The following CALN1 variants were observed in gnomAD, a reference collection of about 807,000 sequenced individuals.
CALN1 encodes the protein calcium-binding protein 8.
CALN1 carries 17 observed loss-of-function variants against 30.6 expected under a neutral mutation model. That is an observed-to-expected ratio of 0.56 (90% CI 0.38 to 0.83). The LOEUF is 0.83. CALN1 is among the 40% of genes least tolerant of loss of function. The pLI is 0.00. For missense variants in CALN1, 291 were observed against 354.9 expected (o/e 0.82, Z 1.45); for synonymous variants, 156 against 131.4 (o/e 1.19, Z -1.28).
At chr7:72,267,498 G>T (rs1796675790) in intron 3 of CALN1, among the ~76,000 whole-genome samples, 2 of 152,182 alleles carry the variant, frequency 1.3e-5, no homozygotes, top group Non-Finnish European at 2.9e-5. Context: ...TGTCACAGTG[G>T]TGGCAGAGAT....
the CALN1 span, among the ~76,000 whole-genome samples, chr7:72,493,148 C>T: frequency 6.6e-6 from 1 of 151,968 alleles, no homozygotes. Context: ...CCGCCATCTC[C>T]CCGGGTCTCC....
At chr7:72,187,533 T>A (rs1790290584) in intron 3 of CALN1, among the ~76,000 whole-genome samples, 1 of 152,056 alleles carries the variant, frequency 6.6e-6, no homozygotes, top group South Asian at 2.1e-4. Flanking sequence ...GTGCGAGGGA[T>A]CTAGGTTGCG....
chr7:72,195,809 T>C (rs1019253700), intron 3 of CALN1, among the ~76,000 whole-genome samples: 1 of 152,130 alleles, frequency 6.6e-6, no homozygotes, highest in Non-Finnish European at 1.5e-5. Context: ...ATGAAGTCAT[T>C]AGAAGTTACA....
At chr7:72,128,951 T>C (rs935528953) in intron 3 of CALN1, among the ~76,000 whole-genome samples, 4 of 152,164 alleles carry the variant, frequency 2.6e-5, no homozygotes, top group Non-Finnish European at 4.4e-5. Flanking sequence ...AAAGTAAACA[T>C]GTTTGTAATT....
intron 5 of CALN1, among the ~76,000 whole-genome samples, chr7:71,899,897 TAGAAG>T (rs1793757659): frequency 6.6e-6 from 1 of 152,216 alleles, no homozygotes; most frequent in African/African-American, 2.4e-5. Flanking sequence ...ATGTAAGCTC[TAGAAG>T]GACTGAAGAA....
intron 5 of CALN1, among the ~76,000 whole-genome samples, chr7:71,843,938 G>A (rs1165495196): frequency 6.6e-6 from 1 of 152,034 alleles, no homozygotes; most frequent in African/African-American, 2.4e-5. Context: ...GGGAGAGGAA[G>A]TGGGGTAACA....
At chr7:72,344,320 G>A (rs1213876496) in intron 2 of CALN1, among the ~76,000 whole-genome samples, 2 of 151,726 alleles carry the variant, frequency 1.3e-5, no homozygotes, top group South Asian at 2.1e-4. Flanking sequence ...CTTCGTTTGG[G>A]GATGAATTTT....
chr7:71,927,148 TG>T (rs1288359876), intron 5 of CALN1, among the ~76,000 whole-genome samples: 2 of 152,214 alleles, frequency 1.3e-5, no homozygotes, highest in African/African-American at 4.8e-5. Flanking sequence ...CTACTGGAAT[TG>T]ATCTGGGTTT....
intron 3 of CALN1, among the ~76,000 whole-genome samples, chr7:72,202,261 A>G (rs1791490142): frequency 6.6e-6 from 1 of 152,220 alleles, no homozygotes; most frequent in African/African-American, 2.4e-5. Context: ...AAGTTCTCCA[A>G]GAATGTAGAG....
intron 5 of CALN1, among the ~76,000 whole-genome samples, chr7:71,836,312 C>T (rs763181881): frequency 5.3e-5 from 8 of 152,130 alleles, no homozygotes; most frequent in South Asian, 2.1e-4. Flanking sequence ...GCAAGAGTAA[C>T]GACACGATGG....
At chr7:72,306,398 A>C (rs912329392) in intron 2 of CALN1, among the ~76,000 whole-genome samples, 1 of 152,172 alleles carries the variant, frequency 6.6e-6, no homozygotes, top group African/African-American at 2.4e-5. Flanking sequence ...AGCCACTATA[A>C]GCCTTCAGAA....
At chr7:72,045,380 T>A (rs1802401030) in intron 4 of CALN1, among the ~76,000 whole-genome samples, 1 of 152,186 alleles carries the variant, frequency 6.6e-6, no homozygotes, top group Admixed American at 6.5e-5. Context: ...TTCCCTTTTA[T>A]CCATTTCCTC....
At chr7:71,976,646 C>G (rs1486090861) in intron 5 of CALN1, among the ~76,000 whole-genome samples, 1 of 152,176 alleles carries the variant, frequency 6.6e-6, no homozygotes, top group South Asian at 2.1e-4. Context: ...TGCAGTGACT[C>G]ACGCTGAAAC....
Position 71,927,639 on chromosome 7 carries a change from T to G in CALN1, c.501+96018A>C, listed in dbSNP as rs77534114. On this transcript the variant is annotated intron_variant, in intron 5 of 6. Transcript: ENST00000395275. ...GTCTGTACCTCAGAGAAGGTCCCTT[T>G]TTTATGCTCTTCCTCTTCTCTCAGT... Among the ~76,000 whole-genome samples, 16 of 152,282 alleles carry G rather than the reference T, an allele frequency of 1.1e-4. No individual in the cohort carries two copies. The East Asian group carries it at 3.1e-3, about 29-fold the overall frequency.
chr7:71,983,967 G>A (rs1798535593), intron 5 of CALN1, among the ~76,000 whole-genome samples: 1 of 152,020 alleles, frequency 6.6e-6, no homozygotes, highest in Non-Finnish European at 1.5e-5. Flanking sequence ...AAAAAACAGA[G>A]GAGATGATAA....
chr7:71,892,936 T>C (rs1452462930), intron 5 of CALN1, among the ~76,000 whole-genome samples: 2 of 152,212 alleles, frequency 1.3e-5, no homozygotes, highest in Non-Finnish European at 2.9e-5. Context: ...TCCTAGCTTT[T>C]AGGAAGCTTA....
rs558377780 is a variant in CALN1 at position 72,037,532 on chromosome 7, A to T, written c.389-13763T>A. On this transcript the variant is annotated intron_variant, in intron 4 of 6. Transcript: ENST00000395275. Reference sequence around the variant, plus strand: ...ATAAAATGTAAAGACTAAACAATGAATTCAGTTGTTTGTATCCAGCCAGAT... The same window carrying T: ...ATAAAATGTAAAGACTAAACAATGATTTCAGTTGTTTGTATCCAGCCAGAT... 2.0e-5 allele frequency among the ~76,000 whole-genome samples: 3 copies of T among 152,360 alleles called. No homozygotes were observed. In the South Asian group the frequency reaches 6.2e-4, roughly 32 times the overall value.
chr7:71,817,120 A>G (rs1788310987), intron 5 of CALN1, among the ~76,000 whole-genome samples: 1 of 152,038 alleles, frequency 6.6e-6, no homozygotes, highest in African/African-American at 2.4e-5. Flanking sequence ...TTTGAAAAAA[A>G]TCACTGTAAA....
chr7:71,914,815 T>C (rs1461672170), intron 5 of CALN1, among the ~76,000 whole-genome samples: 2 of 152,224 alleles, frequency 1.3e-5, no homozygotes, highest in African/African-American at 2.4e-5. Context: ...GAGCTTCTTT[T>C]TCCTATGATT....
Sources: gnomAD v4.1 joint callset for allele counts (sites outside exome capture counted in the v4.1 genomes callset) on GRCh38, gnomAD v4.1.1 for gene constraint, MANE v1.5 for transcripts, NCBI Gene and HGNC (gene_info 2026-07-23, HGNC 2026-07-21) for gene names.